The following PRG4 variants were observed in gnomAD, a reference collection of about 807,000 sequenced individuals.
PRG4 encodes the protein articular superficial zone protein.
In PRG4, 61 loss-of-function variants were observed where a neutral mutation model predicts 91.2. That is an observed-to-expected ratio of 0.67 (90% CI 0.54 to 0.83). PRG4 has a LOEUF of 0.83. PRG4 is among the 40% of genes least tolerant of loss of function. The pLI, the probability that PRG4 is intolerant of heterozygous loss-of-function variation, is 0.00. For missense variants in PRG4, 1,564 were observed against 1,714.2 expected (o/e 0.91, Z 1.55); for synonymous variants, 576 against 614.2 (o/e 0.94, Z 0.92).
Position 186,308,475 on chromosome 1 carries a change from C to T in PRG4, c.2756C>T (p.Thr919Ile), listed in dbSNP as rs1047894704. 1.1e-5 allele frequency: 18 copies of T among 1,613,748 alleles called. No homozygotes were observed. Among genetic ancestry groups the T allele is most frequent in the Admixed American group, 1.7e-5 (1 of 59,992 alleles). ...ATGACTACAACAGCTAAAGACAAGA[C>T]AACAGAAAGAGACTTACGTACTACA... is the stretch of plus-strand genomic sequence containing the variant. ...PEMTTTAKDK[T>I]TERDLRTTPE... The change falls in exon 7 of 13, where the codon ACA becomes ATA. Residue 919 changes from threonine to isoleucine, a missense_variant. Thr to Ile is a moderately conservative substitution (Grantham distance 89). Coordinates refer to ENST00000445192, the MANE Select transcript of PRG4 (RefSeq NM_005807.6).
intron 2 of PRG4, 53 bp from the exon 3 acceptor site, chr1:186,300,038 C>G (rs1341069219): frequency 6.2e-7 from 1 of 1,601,496 alleles, no homozygotes; most frequent in African/African-American, 1.3e-5. Context: ...TTAGATTGCT[C>G]CCTTTCTATA....
intron 3 of PRG4, among the ~76,000 whole-genome samples, chr1:186,300,604 C>T (rs1437403575): frequency 6.6e-6 from 1 of 152,196 alleles, no homozygotes. Flanking sequence ...GTAATGAGGA[C>T]TTTCAATAGT....
chr1:186,308,648 A>G lies in PRG4; in HGVS notation c.2929A>G (p.Lys977Glu). 1 of 1,612,378 alleles carries G rather than the reference A, an allele frequency of 6.2e-7. No homozygotes were observed. The highest frequency in any genetic ancestry group is 1.1e-5 in the South Asian group (1 of 90,770). Reference sequence around the variant, plus strand: ...CACACCATTCAAAATTACTACTCTTAAAACAACTACTCTTGCACCCAAAGT... The same window carrying G: ...CACACCATTCAAAATTACTACTCTTGAAACAACTACTCTTGCACCCAAAGT... ...DTTPFKITTL[K>E]TTTLAPKVTT... The change falls in exon 7 of 13, where the codon AAA (lysine) becomes GAA (glutamate). Residue 977 changes from lysine to glutamate, a missense_variant. Lys to Glu is a moderately conservative substitution (Grantham distance 56, BLOSUM62 1). Transcript: ENST00000445192.
Position 186,308,842 on chromosome 1 carries a change from T to C in PRG4, c.3123T>C (p.Pro1041=). The C allele has an allele frequency of 6.2e-7, 1 of 1,613,538 alleles. No individual in the cohort carries two copies. Among genetic ancestry groups the C allele is most frequent in the Non-Finnish European group, 8.5e-7 (1 of 1,179,938 alleles). ...CTACCAAAAAGCCAAAAACAATGCC[T>C]AGAGTGAGAAAACCAAAGACGACAC... ...PTSTKKPKTM[P]RVRKPKTTPT... The change falls in exon 7 of 13, where the codon CCT becomes CCC. Residue 1041 remains proline (P), a synonymous_variant. Coordinates refer to ENST00000445192, the MANE Select transcript of PRG4 (RefSeq NM_005807.6).
At chr1:186,309,907 T>C in intron 8 of PRG4, 37 bp downstream of exon 8, 1 of 1,569,694 alleles carries the variant, frequency 6.4e-7, no homozygotes, top group Non-Finnish European at 8.8e-7. Flanking sequence ...TTCTCATCAT[T>C]CTGTTTTGGC....
chr1:186,313,168 C>T (rs1657413501), intron 12 of PRG4: 1 of 463,224 alleles, frequency 2.2e-6, no homozygotes, highest in South Asian at 2.2e-5. Flanking sequence ...TTACTTCTAT[C>T]ATTTGTGGCA....
intron 1 of PRG4, 54 bp from the exon 2 acceptor site, chr1:186,296,792 A>G: frequency 1.1e-6 from 1 of 917,534 alleles, no homozygotes; most frequent in South Asian, 1.4e-5. Flanking sequence ...ATGCAAGCCT[A>G]AGTTAGTGGT....
In PRG4 at chr1:186,301,728, C is replaced by T; in HGVS notation, c.319+17C>T. ...GTGCAGAAGGTAAGCATCACAGTAC[C>T]AACCAATGCTTCTCAGTACAGCCAG... On this transcript the variant is annotated intron_variant, in intron 4 of 12. Coordinates refer to ENST00000445192, the MANE Select transcript of PRG4 (RefSeq NM_005807.6). 1 of 1,612,008 alleles carries T rather than the reference C, an allele frequency of 6.2e-7. No individual in the cohort carries two copies. The highest frequency in any genetic ancestry group is 1.1e-5 in the South Asian group (1 of 91,026).
At chr1:186,296,973 CTTTTA>C (rs1655900027) in intron 2 of PRG4, 22 bp downstream of exon 2, 4 of 1,587,970 alleles carry the variant, frequency 2.5e-6, no homozygotes, top group Non-Finnish European at 3.5e-6. Context: ...ATCGAACATA[CTTTTA>C]TTTAACAACT....
intron 12 of PRG4, 121 bp downstream of exon 12, chr1:186,313,015 C>G (rs1657398948): frequency 1.9e-6 from 2 of 1,078,670 alleles, no homozygotes; most frequent in Non-Finnish European, 2.8e-6. Flanking sequence ...GGTACTTATT[C>G]TAATTGCTGT....
chr1:186,312,826 TTACCTCAGCTATATCAC>T lies in PRG4; in HGVS notation c.4051_4067del (p.Thr1351AlafsTer7). 6.2e-7 allele frequency: 1 copy of T among 1,611,546 alleles called. No individual in the cohort carries two copies. The highest frequency in any genetic ancestry group is 8.5e-7 in the Non-Finnish European group (1 of 1,177,640). On this transcript the variant is annotated frameshift_variant, in exon 12 of 13. Transcript: ENST00000445192. LOFTEE classifies it high-confidence loss of function. ...CTGTGGAGAGGACTTCCAAATGTGG[TTACCTCAGCTATATCAC>T]TGCCCAACATCAGAAAACCTGACGG...
intron 10 of PRG4, 76 bp from the exon 11 acceptor site, chr1:186,312,098 TA>T (rs1266928990): frequency 2.4e-6 from 3 of 1,268,448 alleles, no homozygotes; most frequent in African/African-American, 3.0e-5. Flanking sequence ...CTATACATTG[TA>T]AAAGTTGTTT....
At chr1:186,299,538 T>C (rs761481440) in intron 2 of PRG4, among the ~76,000 whole-genome samples, 2 of 152,212 alleles carry the variant, frequency 1.3e-5, no homozygotes, top group African/African-American at 4.8e-5. Context: ...AGGACAATTA[T>C]AAGGGTAAAA....
At chr1:186,313,582 G>T in intron 12 of PRG4, 99 bp from the exon 13 acceptor site, 1 of 759,688 alleles carries the variant, frequency 1.3e-6, no homozygotes, top group South Asian at 1.5e-5. Context: ...CTATTAAAAT[G>T]ATAAACATTG....
rs546727016 is a variant in PRG4 at position 186,305,891 on chromosome 1, G to A, written c.599-427G>A. The stretch of plus-strand genomic sequence containing the variant: ...GGGTGACTGGGGCAGATTGCTCAGA[G>A]GTAGCTGTAGAGGCCTCTGAGATAA... On this transcript the variant is annotated intron_variant, in intron 6 of 12. Coordinates refer to ENST00000445192, the MANE Select transcript of PRG4 (RefSeq NM_005807.6). 1.4e-4 allele frequency among the ~76,000 whole-genome samples: 21 copies of A among 152,312 alleles called. No homozygotes were observed. The South Asian group carries it at 4.1e-3, about 30-fold the overall frequency.
Position 186,300,248 on chromosome 1 carries a change from C to A in PRG4, c.199+35C>A, listed in dbSNP as rs10911845. The A allele has an allele frequency of 8.7e-5, 141 of 1,612,980 alleles. No homozygotes were observed. The African/African-American group carries it at 1.8e-3, about 21-fold the overall frequency. ...GAGAGCGGGTGTCTCCTCTGTCAAGCAACACTGCGAGTCTGTGAGTCCCCC... is the reference window on the plus strand; with the variant it reads ...GAGAGCGGGTGTCTCCTCTGTCAAGAAACACTGCGAGTCTGTGAGTCCCCC... On this transcript the variant is annotated intron_variant, in intron 3 of 12. Transcript: ENST00000445192.
Position 186,308,545 on chromosome 1 carries a change from AACT to A in PRG4, c.2829_2831del (p.Thr945del), listed in dbSNP as rs1200985271. 9 of 1,613,624 alleles carry A rather than the reference AACT, an allele frequency of 5.6e-6. No individual in the cohort carries two copies. Among genetic ancestry groups the A allele is most frequent in the Non-Finnish European group, 5.9e-6 (7 of 1,180,022 alleles). On this transcript the variant is annotated inframe_deletion, in exon 7 of 13. Coordinates refer to ENST00000445192, the MANE Select transcript of PRG4 (RefSeq NM_005807.6). ...CACCTAAGATGACAAAAGAGACAGC[AACT>A]ACAACAGAAAAAACTACCGAATCCA...
At chr1:186,312,507 T>C (rs1657340829) in intron 11 of PRG4, 135 bp downstream of exon 11, 2 of 932,796 alleles carry the variant, frequency 2.1e-6, no homozygotes, top group Admixed American at 2.7e-5. Context: ...GAAAAACTCA[T>C]CCACTTGCCT....
At chr1:186,310,940 A>C in intron 8 of PRG4, 94 bp from the exon 9 acceptor site, 1 of 1,375,910 alleles carries the variant, frequency 7.3e-7, no homozygotes, top group South Asian at 1.2e-5. Context: ...CAGTCATACA[A>C]TGCATAAGAA....
Sources: allele counts gnomAD v4.1 joint callset (sites outside exome capture counted in the v4.1 genomes callset), GRCh38; gene constraint gnomAD v4.1.1; transcripts MANE v1.5; gene names NCBI Gene and HGNC (gene_info 2026-07-23, HGNC 2026-07-21).